The following ROR2 variants were observed in gnomAD, a reference collection of about 807,000 sequenced individuals.
ROR2 encodes tyrosine-protein kinase transmembrane receptor ROR2.
ROR2 carries 33 observed loss-of-function variants against 74.9 expected under a neutral mutation model. That is an observed-to-expected ratio of 0.44 (90% CI 0.33 to 0.59). The LOEUF (loss-of-function observed/expected upper bound fraction) is 0.59, where lower values mean the gene tolerates loss of function less well. ROR2 is among the 20% of genes least tolerant of loss of function. The pLI is 0.02. For missense variants in ROR2, 1,216 were observed against 1,313.8 expected (o/e 0.93, Z 1.15); for synonymous variants, 586 against 558.7 (o/e 1.05, Z -0.69).
chr9:91,872,053 G>A lies in ROR2; in HGVS notation c.97+77814C>T, dbSNP rs146928143. On this transcript the variant is annotated intron_variant, in intron 1 of 8. Coordinates refer to ENST00000375708, the MANE Select transcript of ROR2 (RefSeq NM_004560.4). ...CATTATCCATTTAAGCCTCTAAATTGTGCAGTAGTGTTTTGTTACACAGCA... is the reference window on the plus strand; with the variant it reads ...CATTATCCATTTAAGCCTCTAAATTATGCAGTAGTGTTTTGTTACACAGCA... 1.4e-3 allele frequency among the ~76,000 whole-genome samples: 208 copies of A among 152,292 alleles called. 1 individual carries two copies. Among genetic ancestry groups the A allele is most frequent in the Admixed American group, 5.0e-3 (76 of 15,304 alleles).
intron 1 of ROR2, among the ~76,000 whole-genome samples, chr9:91,880,440 G>C (rs1036964399): frequency 9.2e-5 from 14 of 152,296 alleles, no homozygotes; most frequent in Admixed American, 5.2e-4. Context: ...TTCCAAAGCA[G>C]GATTATAACC....
At chr9:91,898,393 T>C (rs1191428127) in intron 1 of ROR2, among the ~76,000 whole-genome samples, 1 of 152,102 alleles carries the variant, frequency 6.6e-6, no homozygotes, top group East Asian at 1.9e-4. Context: ...AGAGAAGTGG[T>C]GTCCCCGTTT....
intron 1 of ROR2, among the ~76,000 whole-genome samples, chr9:91,823,585 C>T (rs559674213): frequency 6.6e-6 from 1 of 152,206 alleles, no homozygotes; most frequent in Admixed American, 6.5e-5. Context: ...CGTGCCCAGC[C>T]TCAGCAACAA....
intron 2 of ROR2, among the ~76,000 whole-genome samples, chr9:91,773,205 C>G (rs1482268025): frequency 2.6e-5 from 4 of 152,162 alleles, no homozygotes; most frequent in African/African-American, 7.2e-5. Context: ...TGCAGCGCAT[C>G]TGAAACAAAG....
At position 91,843,610 on chromosome 9, in the gene ROR2, G is replaced by A. The variant is rs562368040; in HGVS notation, c.98-67792C>T. On this transcript the variant is annotated intron_variant, in intron 1 of 8. Transcript: ENST00000375708. ...GACCCCCAATCCCACTAGCTTGCTC[G>A]CACTTAGAAATTACTATATGTCTAG... 5.1e-4 allele frequency among the ~76,000 whole-genome samples: 78 copies of A among 152,260 alleles called. 1 individual carries two copies. The highest frequency in any genetic ancestry group is 6.8e-3 in the Middle Eastern group (2 of 294).
At chr9:91,874,098 TG>T (rs1408413493) in intron 1 of ROR2, among the ~76,000 whole-genome samples, 1 of 152,164 alleles carries the variant, frequency 6.6e-6, no homozygotes, top group East Asian at 1.9e-4. Context: ...CGCATCCACC[TG>T]GAAGGGGGCT....
intron 1 of ROR2, among the ~76,000 whole-genome samples, chr9:91,918,834 T>C (rs1831200480): frequency 6.6e-6 from 1 of 152,218 alleles, no homozygotes; most frequent in Non-Finnish European, 1.5e-5. Flanking sequence ...CTGGCTTACA[T>C]GTAGCAAAAG....
chr9:91,813,072 G>A (rs142109903), intron 1 of ROR2, among the ~76,000 whole-genome samples: 5 of 152,114 alleles, frequency 3.3e-5, no homozygotes, highest in African/African-American at 4.8e-5. Context: ...CAACAGCCCT[G>A]CCAGGGTGCC....
intron 1 of ROR2, among the ~76,000 whole-genome samples, chr9:91,792,696 T>C (rs535747233): frequency 6.6e-6 from 1 of 152,220 alleles, no homozygotes; most frequent in East Asian, 1.9e-4. Flanking sequence ...ATATTAAGAA[T>C]GAAAGGCAGG....
chr9:91,730,739 C>A (rs1837209326), intron 7 of ROR2, among the ~76,000 whole-genome samples, 171 bp downstream of exon 7: 1 of 152,172 alleles, frequency 6.6e-6, no homozygotes, highest in Non-Finnish European at 1.5e-5. Flanking sequence ...TAGGCATCAG[C>A]CACTACGCGT....
chr9:91,901,672 C>T (rs186483722), intron 1 of ROR2, among the ~76,000 whole-genome samples: 10 of 151,896 alleles, frequency 6.6e-5, no homozygotes, highest in African/African-American at 1.7e-4. Context: ...AAAAATTAGC[C>T]AGGCATGGTG....
chr9:91,757,916 A>G (rs938051160), intron 2 of ROR2, among the ~76,000 whole-genome samples: 1 of 152,210 alleles, frequency 6.6e-6, no homozygotes, highest in African/African-American at 2.4e-5. Flanking sequence ...CAACAGCCTC[A>G]TAACTCATGC....
At chr9:91,857,798 T>C (rs1476105626) in intron 1 of ROR2, among the ~76,000 whole-genome samples, 1 of 152,208 alleles carries the variant, frequency 6.6e-6, no homozygotes, top group African/African-American at 2.4e-5. Flanking sequence ...CAGCCCTTGT[T>C]TCCCTGCAGG....
chr9:91,911,272 A>AT (rs1009206973), intron 1 of ROR2, among the ~76,000 whole-genome samples: 1 of 152,252 alleles, frequency 6.6e-6, no homozygotes. Context: ...TCTTCAGGCC[A>AT]TTCTGTTGCC....
At chr9:91,740,375 C>T (rs746565475) in intron 4 of ROR2, among the ~76,000 whole-genome samples, 17 of 151,946 alleles carry the variant, frequency 1.1e-4, no homozygotes, top group Non-Finnish European at 2.2e-4. Context: ...GGTGAAACCC[C>T]ATCTCTACTA....
In ROR2 at chr9:91,733,743, C is replaced by G. The variant is rs187431633; in HGVS notation, c.623-307G>C. Among the ~76,000 whole-genome samples the G allele has an allele frequency of 6.6e-6, 1 of 152,198 alleles. No individual in the cohort carries two copies. Among genetic ancestry groups the G allele is most frequent in the Non-Finnish European group, 1.5e-5 (1 of 68,040 alleles). On this transcript the variant is annotated intron_variant, in intron 5 of 8. Transcript: ENST00000375708. This position sits in a 1 kb window ranked among gnomAD's most constrained non-coding sequence, Gnocchi z 5.7. ...GAAAACTCGGCCCCCTAGCTCACTCCGCTAGGTGCTTCTTCCAGGACAAGA... is the reference window on the plus strand; with the variant it reads ...GAAAACTCGGCCCCCTAGCTCACTCGGCTAGGTGCTTCTTCCAGGACAAGA...
In ROR2 at chr9:91,819,603, GTGTT is replaced by G. The variant is rs1828069801; in HGVS notation, c.98-43789_98-43786del. On this transcript the variant is annotated intron_variant, in intron 1 of 8. Transcript: ENST00000375708. ...GTGTCTCTGAGTGTTCTGTGTGTCT[GTGTT>G]TGTCTGTCTTTGAGTGAGTGTGTGT... Among the ~76,000 whole-genome samples, 4 of 152,118 alleles carry G rather than the reference GTGTT, an allele frequency of 2.6e-5. No individual in the cohort carries two copies. The South Asian group carries it at 6.2e-4, about 24-fold the overall frequency.
At chr9:91,900,586 C>G (rs1253143157) in intron 1 of ROR2, among the ~76,000 whole-genome samples, 1 of 152,214 alleles carries the variant, frequency 6.6e-6, no homozygotes, top group African/African-American at 2.4e-5. Flanking sequence ...AAACGACAAG[C>G]TTCTGGAAGA....
intron 1 of ROR2, among the ~76,000 whole-genome samples, chr9:91,822,893 C>T (rs1373757883): frequency 2.0e-5 from 3 of 152,132 alleles, no homozygotes; most frequent in African/African-American, 7.2e-5. Context: ...GACGCAGAGA[C>T]ATCCAGTCTG....
Sources: gnomAD v4.1 joint callset for allele counts (sites outside exome capture counted in the v4.1 genomes callset) on GRCh38, gnomAD v4.1.1 for gene constraint, Gnocchi (gnomAD v3.1) non-coding constraint, MANE v1.5 for transcripts, NCBI Gene and HGNC (gene_info 2026-07-23, HGNC 2026-07-21) for gene names.